Variants in PRMT9 observed in about 807,000 individuals in gnomAD.
The protein encoded by PRMT9 is protein arginine N-methyltransferase 9.
A neutral mutation model predicts 83.2 loss-of-function variants in PRMT9; 59 were observed. The ratio of observed to expected loss-of-function variants is 0.71; its 90% CI spans 0.57 to 0.88. The LOEUF (loss-of-function observed/expected upper bound fraction) is 0.88, where lower values mean the gene tolerates loss of function less well. Among genes scored for constraint, PRMT9 ranks in the 40% least tolerant of loss-of-function variants. The probability of loss-of-function intolerance (pLI) is 0.00; values close to 1 mark genes in which losing one functional copy is unlikely to be tolerated. For synonymous variants in PRMT9, 333 were observed against 353.2 expected (o/e 0.94, Z 0.64); for missense variants, 947 against 1,021.9 (o/e 0.93, Z 1.00).
At chr4:147,659,801 G>T (rs372113591) in intron 7 of PRMT9, among the ~76,000 whole-genome samples, 1 of 151,948 alleles carries the variant, frequency 6.6e-6, no homozygotes, top group South Asian at 2.1e-4. Context: ...GGCTGGTCCT[G>T]AACTCCTGAC....
At chr4:147,644,271 G>A (rs1266606101) in intron 9 of PRMT9, among the ~76,000 whole-genome samples, 4 of 151,696 alleles carry the variant, frequency 2.6e-5, no homozygotes, top group African/African-American at 9.7e-5. Context: ...TACTATTACT[G>A]AGTGTAAGGT....
chr4:147,646,322 A>T (rs1477164085), intron 9 of PRMT9, among the ~76,000 whole-genome samples: 1 of 152,218 alleles, frequency 6.6e-6, no homozygotes, highest in Non-Finnish European at 1.5e-5. Context: ...GACTAGCCAC[A>T]GAACTTTATG....
At position 147,657,875 on chromosome 4, in the gene PRMT9, A is replaced by G; in HGVS notation, c.1247T>C (p.Leu416Pro). The G allele has an allele frequency of 6.2e-7, 1 of 1,610,816 alleles. No individual in the cohort carries two copies. Among genetic ancestry groups the G allele is most frequent in the African/African-American group, 1.4e-5 (1 of 73,768 alleles). ...DAIMVWFVLQLDDEHSLSTSP... is the reference protein window; with the variant it reads ...DAIMVWFVLQPDDEHSLSTSP... ...TGTGGATAAACTATGTTCATCATCA[A>G]GCTGGAGCACAAACCAAACCATAAT... is the stretch of plus-strand genomic sequence containing the variant. Residue 416 changes from leucine to proline, a missense_variant, in exon 8 of 12, where the codon CTT (leucine) becomes CCT (proline). By Grantham distance (98) the Leu-to-Pro change is moderately conservative. Coordinates refer to ENST00000322396, the MANE Select transcript of PRMT9 (RefSeq NM_138364.4).
chr4:147,642,809 G>A lies in PRMT9; in HGVS notation c.2177C>T (p.Ala726Val). 6.2e-7 allele frequency: 1 copy of A among 1,613,794 alleles called. No homozygotes were observed. ...GTERTLGLNIAPFINQFQVPI... is the reference protein window; with the variant it reads ...GTERTLGLNIVPFINQFQVPI... ...TACCTGAAACTGGTTAATAAAAGGT[G>A]CTATATTTAATCCAAGAGTACGTTC... The change falls in exon 10 of 12, where the codon GCA becomes GTA. Residue 726 changes from alanine (A) to valine (V), a missense_variant. Transcript: ENST00000322396.
rs140988609 is a variant in PRMT9 at position 147,669,570 on chromosome 4, G to T, written c.847-925C>A. Reference sequence around the variant, plus strand: ...TCAATACCTACTTAAAAAATAAATTGCTTGGCCAGGAGCGTTCGCTCACAC... The same window carrying T: ...TCAATACCTACTTAAAAAATAAATTTCTTGGCCAGGAGCGTTCGCTCACAC... On this transcript the variant is annotated intron_variant, in intron 5 of 11. Transcript: ENST00000322396. Among the ~76,000 whole-genome samples the T allele has an allele frequency of 8.6e-3, 1,302 of 151,442 alleles. 20 individuals are homozygous for T. The highest frequency in any genetic ancestry group is 0.03 in the African/African-American group (1,242 of 41,278).
At chr4:147,649,605 C>T (rs1454851994) in intron 9 of PRMT9, among the ~76,000 whole-genome samples, 1 of 152,062 alleles carries the variant, frequency 6.6e-6, no homozygotes, top group Non-Finnish European at 1.5e-5. Context: ...AGGGTTCAAG[C>T]GATTCTCCTG....
At chr4:147,651,454 T>A (rs1734090888) in intron 9 of PRMT9, among the ~76,000 whole-genome samples, 1 of 152,086 alleles carries the variant, frequency 6.6e-6, no homozygotes, top group South Asian at 2.1e-4. Context: ...AGGCAACCTA[T>A]GAAGTGGGAA....
At chr4:147,655,999 C>CAGTGT (rs1734461281) in intron 8 of PRMT9, among the ~76,000 whole-genome samples, 1 of 152,002 alleles carries the variant, frequency 6.6e-6, no homozygotes, top group Non-Finnish European at 1.5e-5. Flanking sequence ...TTTATACCCA[C>CAGTGT]TATCTCTAAG....
At chr4:147,678,799 C>T (rs966341273) in intron 2 of PRMT9, among the ~76,000 whole-genome samples, 1 of 152,184 alleles carries the variant, frequency 6.6e-6, no homozygotes, top group Non-Finnish European at 1.5e-5. Context: ...CATAACTCAC[C>T]GTGGGAATGA....
At chr4:147,683,737 T>A (rs866527927) in intron 1 of PRMT9, 62 bp downstream of exon 1, 15,245 of 843,362 alleles carry the variant, frequency 0.018, 163 homozygotes, top group East Asian at 0.04. Context: ...TTTTTTCTGT[T>A]TTTTTTTTTT....
At position 147,651,551 on chromosome 4, in the gene PRMT9, G is replaced by A. The variant is rs150982079; in HGVS notation, c.2045+2301C>T. Among the ~76,000 whole-genome samples the A allele has an allele frequency of 1.1e-4, 16 of 152,142 alleles. No homozygotes were observed. In the East Asian group the frequency reaches 1.5e-3, roughly 15 times the overall value. ...CTACAACTCAATAACAAAATAACCC[G>A]GTTAAAAAATGGGCAAGACTTGAAT... On this transcript the variant is annotated intron_variant, in intron 9 of 11. Coordinates refer to ENST00000322396, the MANE Select transcript of PRMT9 (RefSeq NM_138364.4).
intron 4 of PRMT9, among the ~76,000 whole-genome samples, chr4:147,671,537 T>C (rs1490579089): frequency 6.6e-6 from 1 of 152,242 alleles, no homozygotes; most frequent in Non-Finnish European, 1.5e-5. Context: ...TATCTTCCTA[T>C]CTAGACTGTA....
At chr4:147,669,491 G>GT (rs1215410804) in intron 5 of PRMT9, among the ~76,000 whole-genome samples, 2 of 152,122 alleles carry the variant, frequency 1.3e-5, no homozygotes, top group African/African-American at 4.8e-5. Context: ...GGAAAGGACT[G>GT]TAAGTCTGCA....
rs1735875378 is a variant in PRMT9 at position 147,673,628 on chromosome 4, T to G, written c.575+10A>C. On this transcript the variant is annotated intron_variant, in intron 3 of 11. Transcript: ENST00000322396. ...CATGTATATACCATTAAAATGCAAT[T>G]ACTACCAACCTTAGTATTCCAGTTC... The G allele has an allele frequency of 6.6e-7, 1 of 1,524,308 alleles. No individual in the cohort carries two copies. The highest frequency in any genetic ancestry group is 1.4e-5 in the African/African-American group (1 of 73,150). 94.4% of individuals were successfully genotyped at this position (1,524,308 alleles called of 1,614,324 possible). A position where few individuals can be genotyped will look rare whatever the true frequency, so the allele number is the denominator to read the frequency against.
At position 147,673,652 on chromosome 4, in the gene PRMT9, T is replaced by A; in HGVS notation, c.561A>T (p.Gly187=). ...TTACTACCAACCTTAGTATTCCAGT[T>A]CCTGCTCCAATGTCCAAAACACTTT... ...GSKSVLDIGA[G]TGILSMFAKK... The change falls in exon 3 of 12, where the codon GGA becomes GGT. Residue 187 remains glycine (G), a synonymous_variant. Coordinates refer to ENST00000322396, the MANE Select transcript of PRMT9 (RefSeq NM_138364.4). The A allele has an allele frequency of 1.9e-6, 3 of 1,606,230 alleles. No homozygotes were observed. The highest frequency in any genetic ancestry group is 2.6e-6 in the Non-Finnish European group (3 of 1,172,832).
intron 9 of PRMT9, among the ~76,000 whole-genome samples, chr4:147,647,618 G>C (rs2718457): frequency 0.86 from 130,870 of 151,756 alleles, 58,631 homozygotes; most frequent in Non-Finnish European, 0.98. Flanking sequence ...TGCCTCCCAA[G>C]TTCAGGCGAT....
At chr4:147,648,477 TCTCTTCATCTGG>T (rs989197079) in intron 9 of PRMT9, among the ~76,000 whole-genome samples, 17 of 152,302 alleles carry the variant, frequency 1.1e-4, no homozygotes, top group Admixed American at 3.9e-4. Flanking sequence ...ACTCTATGCA[TCTCTTCATCTGG>T]CTCTTCATCT....
chr4:147,654,520 A>C lies in PRMT9; in HGVS notation c.1377T>G (p.Cys459Trp), dbSNP rs1335347669. 1 of 1,613,872 alleles carries C rather than the reference A, an allele frequency of 6.2e-7. No homozygotes were observed. Among genetic ancestry groups the C allele is most frequent in the East Asian group, 2.2e-5 (1 of 44,874 alleles). The stretch of plus-strand genomic sequence containing the variant: ...TCTGGATTCTTAAGTAACAGTCTTG[A>C]CAAGATACTTCCATCATCACATGGT... ...PGDHVMMEVS[C>W]QDCYLRIQSI... The change falls in exon 9 of 12, where the codon TGT (cysteine) becomes TGG (tryptophan). Residue 459 changes from cysteine to tryptophan, a missense_variant. By Grantham distance (215) the Cys-to-Trp change is radical (BLOSUM62 -2). Transcript: ENST00000322396.
intron 4 of PRMT9, among the ~76,000 whole-genome samples, chr4:147,672,331 G>C (rs568630033): frequency 3.3e-5 from 5 of 152,206 alleles, no homozygotes; most frequent in Non-Finnish European, 7.3e-5. Context: ...GTTAAACCCA[G>C]AAGAGACAGG....
Sources: allele counts gnomAD v4.1 joint callset (sites outside exome capture counted in the v4.1 genomes callset), GRCh38; gene constraint gnomAD v4.1.1; transcripts MANE v1.5; gene names NCBI Gene and HGNC (gene_info 2026-07-23, HGNC 2026-07-21).